The following WNK3 variants were observed in gnomAD, a reference collection of about 807,000 sequenced individuals.
WNK3 encodes serine/threonine-protein kinase WNK3.
A neutral mutation model predicts 116.7 loss-of-function variants in WNK3; 18 were observed. That is an observed-to-expected ratio of 0.15 (90% CI 0.11 to 0.23). WNK3 has a LOEUF of 0.23. WNK3 is among the 10% of genes least tolerant of loss of function. The pLI is 1.00. For missense variants in WNK3, 993 were observed against 1,323.8 expected, an observed-to-expected ratio of 0.75 and a Z score of 3.88; for synonymous variants, 404 against 469.4, an observed-to-expected ratio of 0.86 and a Z score of 1.80.
intron 13 of WNK3, among the ~76,000 whole-genome samples, chrX:54,252,669 C>CA (rs56273481): frequency 0.015 from 748 of 50,739 alleles, 6 homozygotes; most frequent in Middle Eastern, 0.03. Flanking sequence ...GACTCTGTCT[C>CA]AAAAAAAAAA....
chrX:54,230,304 T>A (rs1557148685), intron 21 of WNK3, among the ~76,000 whole-genome samples: 1 of 111,210 alleles, frequency 9.0e-6, no homozygotes, highest in East Asian at 2.8e-4. Flanking sequence ...ATTATCTCAA[T>A]GAAAATTTCA....
At chrX:54,199,693 G>A (rs2067482658) in intron 23 of WNK3, among the ~76,000 whole-genome samples, 2 of 111,261 alleles carry the variant, frequency 1.8e-5, no homozygotes. Flanking sequence ...AATTAGCCAG[G>A]TATGGTCGCG....
At chrX:54,213,553 C>CAAAAAAAAAAAAAAAAAAAAAAAAA (rs782580375) in intron 22 of WNK3, among the ~76,000 whole-genome samples, 5 of 14,265 alleles carry the variant, frequency 3.5e-4, no homozygotes, top group African/African-American at 1.1e-3. Flanking sequence ...GACTCCGTCT[C>CAAAAAAAAAAAAAAAAAAAAAAAAA]AAAAAAAAAA....
chrX:54,211,632 C>T (rs930561046), intron 22 of WNK3, among the ~76,000 whole-genome samples: 1 of 109,571 alleles, frequency 9.1e-6, no homozygotes, highest in Non-Finnish European at 1.9e-5. Context: ...GGTGAAACAT[C>T]GTCTCTACTA....
chrX:54,337,485 G>T (rs1557175594), intron 1 of WNK3, among the ~76,000 whole-genome samples: 1 of 108,570 alleles, frequency 9.2e-6, no homozygotes, highest in African/African-American at 3.3e-5. Context: ...CTTGAACCCG[G>T]GAGGCAGAGG....
chrX:54,206,630 C>G (rs1318809793), intron 22 of WNK3, among the ~76,000 whole-genome samples: 2 of 111,830 alleles, frequency 1.8e-5, no homozygotes, highest in East Asian at 5.6e-4. Context: ...TTCTACCATT[C>G]TATAAGCTCT....
At position 54,304,393 on chromosome X, in the gene WNK3, T is replaced by C. The variant is rs3007024; in HGVS notation, c.1090-2534A>G. ...CAAAAATATAAAAAGAAAAAAAAAA[T>C]AGCTGCGTGTGGTGGTGTGTACCTG... On this transcript the variant is annotated intron_variant, in intron 5 of 23. Coordinates refer to ENST00000354646, the Ensembl canonical transcript of WNK3. Among the ~76,000 whole-genome samples the C allele has an allele frequency of 2.0e-3, 220 of 107,320 alleles. 1 individual carries two copies. Among genetic ancestry groups the C allele is most frequent in the African/African-American group, 7.0e-3 (206 of 29,348 alleles). The allele number at this position is 107,320 out of a possible 115,157, so 93.2% of individuals were successfully genotyped here. A position where few individuals can be genotyped will look rare whatever the true frequency, so the allele number is the denominator to read the frequency against.
Position 54,222,911 on chromosome X carries a change from TAATA to T in WNK3, c.4870+5799_4870+5802del, listed in dbSNP as rs1487609334. Among the ~76,000 whole-genome samples, 73 of 76,892 alleles carry T rather than the reference TAATA, an allele frequency of 9.5e-4. 1 individual carries two copies. The highest frequency in any genetic ancestry group is 4.1e-3 in the African/African-American group (71 of 17,473). 66.8% of individuals were successfully genotyped at this position (76,892 alleles called of 115,157 possible). ...AAGTATAGTATAATAATAATAATAA[TAATA>T]ATATATATATATATATATATATATA... is the stretch of plus-strand genomic sequence containing the variant. On this transcript the variant is annotated intron_variant, in intron 22 of 23. Transcript: ENST00000354646.
chrX:54,319,667 A>T (rs1341454441), intron 2 of WNK3, among the ~76,000 whole-genome samples: 1 of 112,402 alleles, frequency 8.9e-6, no homozygotes, highest in Non-Finnish European at 1.9e-5. Flanking sequence ...TAGAGCCAAG[A>T]TCTTCAAAAC....
At chrX:54,278,794 G>A (rs782079640) in intron 10 of WNK3, among the ~76,000 whole-genome samples, 1 of 112,029 alleles carries the variant, frequency 8.9e-6, no homozygotes, top group Admixed American at 9.5e-5. Flanking sequence ...ACATAGGCCG[G>A]GCGTGGTGGT....
intron 22 of WNK3, among the ~76,000 whole-genome samples, chrX:54,211,452 A>C (rs2067612266): frequency 1.9e-5 from 2 of 107,850 alleles, no homozygotes; most frequent in Admixed American, 2.0e-4. Context: ...AAAAAAAAAA[A>C]AAAAAACTCC....
At chrX:54,308,926 C>G (rs781998848) in intron 4 of WNK3, among the ~76,000 whole-genome samples, 169 bp downstream of exon 4, 1 of 111,971 alleles carries the variant, frequency 8.9e-6, no homozygotes, top group Non-Finnish European at 1.9e-5. Flanking sequence ...CAGTCCTAGA[C>G]AATCTGTAAA....
chrX:54,279,733 A>G (rs1294513841), intron 10 of WNK3, among the ~76,000 whole-genome samples: 2 of 112,175 alleles, frequency 1.8e-5, no homozygotes, highest in African/African-American at 6.5e-5. Context: ...AAAGGGACAC[A>G]AGAAACTTTT....
intron 10 of WNK3, among the ~76,000 whole-genome samples, chrX:54,270,738 C>T (rs2068373493): frequency 9.1e-6 from 1 of 110,250 alleles, no homozygotes; most frequent in African/African-American, 3.3e-5. Context: ...CCCCTTTCCC[C>T]CGACCCCTCA....
intron 5 of WNK3, among the ~76,000 whole-genome samples, chrX:54,304,478 C>CTA (rs1296727661): frequency 3.7e-5 from 4 of 108,116 alleles, no homozygotes; most frequent in Non-Finnish European, 7.6e-5. Context: ...GAAGTCAAGG[C>CTA]TATAGTGAGC....
intron 21 of WNK3, among the ~76,000 whole-genome samples, chrX:54,229,450 T>C (rs1417611136): frequency 9.1e-6 from 1 of 110,167 alleles, no homozygotes; most frequent in Non-Finnish European, 1.9e-5. Context: ...AATTGATATA[T>C]AGATTTAACA....
chrX:54,306,154 A>G (rs2068822540), intron 5 of WNK3, among the ~76,000 whole-genome samples: 1 of 111,879 alleles, frequency 8.9e-6, no homozygotes, highest in South Asian at 3.8e-4. Context: ...ATGAAAGATA[A>G]GTGTTGGTGA....
At chrX:54,248,736 C>T (rs1557153213) in exon 17 of WNK3, 1 of 1,211,273 alleles carries the variant, frequency 8.3e-7, no homozygotes, top group Admixed American at 2.2e-5. Flanking sequence ...TTATCACATT[C>T]AGGTCCCTTT....
At chrX:54,320,669 G>C (rs1557172022) in intron 2 of WNK3, among the ~76,000 whole-genome samples, 1 of 108,763 alleles carries the variant, frequency 9.2e-6, no homozygotes, top group African/African-American at 3.3e-5. Context: ...ACACTACTGG[G>C]ACATGCCACT....
Sources: gnomAD v4.1 joint callset for allele counts (sites outside exome capture counted in the v4.1 genomes callset) on GRCh38, gnomAD v4.1.1 for gene constraint, MANE v1.5 for transcripts, NCBI Gene and HGNC (gene_info 2026-07-23, HGNC 2026-07-21) for gene names.